ARPC1B: variants seen among roughly 807,000 people sequenced by gnomAD.
ARPC1B encodes actin-related protein 2/3 complex subunit 1B.
ARPC1B carries 29 observed loss-of-function variants against 46.0 expected under a neutral mutation model. That is an observed-to-expected ratio of 0.63 (90% CI 0.47 to 0.86). The LOEUF is 0.86. Among genes scored for constraint, ARPC1B ranks in the 40% least tolerant of loss-of-function variants. The pLI is 0.00. For synonymous variants in ARPC1B, 201 were observed against 213.9 expected, an observed-to-expected ratio of 0.94 and a Z score of 0.53; for missense variants, 469 against 529.4, an observed-to-expected ratio of 0.89 and a Z score of 1.12.
At position 99,378,343 on chromosome 7, in the gene ARPC1B, G is replaced by A. The variant is rs187709091; in HGVS notation, c.-14+3562G>A. ...CTGGCTTGGCCTCCCAAAATGGTGG[G>A]ATTACAGGCGTGAGCCATGGCACCC... On this transcript the variant is annotated intron_variant, in intron 1 of 9. Transcript: ENST00000646101. 3.2e-3 allele frequency among the ~76,000 whole-genome samples: 487 copies of A among 151,882 alleles called. 2 individuals are homozygous for A. The highest frequency in any genetic ancestry group is 0.011 in the African/African-American group (469 of 41,484).
chr7:99,387,808 G>A (rs1186325069), intron 3 of ARPC1B, among the ~76,000 whole-genome samples: 3 of 150,920 alleles, frequency 2.0e-5, no homozygotes, highest in Non-Finnish European at 4.4e-5. Flanking sequence ...GCTGAGGCAC[G>A]AGGATTGCTT....
At chr7:99,384,772 G>A (rs1320173588) in intron 1 of ARPC1B, among the ~76,000 whole-genome samples, 1 of 151,994 alleles carries the variant, frequency 6.6e-6, no homozygotes, top group Non-Finnish European at 1.5e-5. Context: ...TCTGAGCAGT[G>A]TGGGGGAAGA....
chr7:99,381,399 G>A (rs149868838), intron 1 of ARPC1B, among the ~76,000 whole-genome samples: 1 of 152,286 alleles, frequency 6.6e-6, no homozygotes, highest in East Asian at 1.9e-4. Flanking sequence ...TAAAGTGTGG[G>A]GAGGTGCAGT....
At chr7:99,387,031 C>A (rs1794411152) in intron 3 of ARPC1B, among the ~76,000 whole-genome samples, 1 of 152,242 alleles carries the variant, frequency 6.6e-6, no homozygotes, top group Non-Finnish European at 1.5e-5. Context: ...ATCTTTTCTG[C>A]CTCTTGGCTT....
intron 4 of ARPC1B, chr7:99,389,409 T>C (rs1348217143): frequency 6.4e-6 from 1 of 156,894 alleles, no homozygotes; most frequent in East Asian, 1.9e-4. Flanking sequence ...TTTGTAGAGA[T>C]AGGGTCTTGT....
rs1306120757 is a variant in ARPC1B, at chr7:99,390,999, G to A, written c.607G>A (p.Gly203Ser). 15 of 1,613,980 alleles carry A rather than the reference G, an allele frequency of 9.3e-6. No individual in the cohort carries two copies. Among genetic ancestry groups the A allele is most frequent in the East Asian group, 2.2e-5 (1 of 44,882 alleles). The part of the protein sequence containing the change: ...ELMFESSSSC[G>S]WVHGVCFSAS... ...GATGTTCGAATCCAGCAGTAGCTGC[G>A]GCTGGGTACATGGCGTCTGTTTCTC... The change falls in exon 6 of 10, where the codon GGC becomes AGC. Residue 203 changes from glycine to serine, a missense_variant. Gly to Ser is a moderately conservative substitution (Grantham distance 56). Coordinates refer to ENST00000646101, the MANE Select transcript of ARPC1B (RefSeq NM_005720.4).
At chr7:99,380,601 A>G (rs1794185091) in intron 1 of ARPC1B, among the ~76,000 whole-genome samples, 1 of 151,942 alleles carries the variant, frequency 6.6e-6, no homozygotes, top group African/African-American at 2.4e-5. Flanking sequence ...GGTCCTAGAA[A>G]CAGTGGTCAG....
At chr7:99,390,150 G>A (rs181977365) in intron 5 of ARPC1B, 138 bp downstream of exon 5, 71 of 719,672 alleles carry the variant, frequency 9.9e-5, no homozygotes, top group Admixed American at 1.3e-4. Context: ...TGACCTGGGC[G>A]TCGGTTGAAG....
At chr7:99,383,130 C>T (rs925263473) in intron 1 of ARPC1B, among the ~76,000 whole-genome samples, 8 of 152,192 alleles carry the variant, frequency 5.3e-5, no homozygotes, top group African/African-American at 9.7e-5. Flanking sequence ...CAGGCATGAG[C>T]CACCGTGCCT....
At chr7:99,386,604 G>T in intron 2 of ARPC1B, 81 bp from the exon 3 acceptor site, 2 of 1,087,412 alleles carry the variant, frequency 1.8e-6, no homozygotes, top group Non-Finnish European at 2.9e-6. Flanking sequence ...AGGTGTTGTT[G>T]CCTAGGTGCA....
chr7:99,390,001 C>T lies in ARPC1B; in HGVS notation c.489C>T (p.Asp163=), dbSNP rs1338518208. The change falls in exon 5 of 10, where the codon GAC becomes GAT. Residue 163 remains aspartate (D), a synonymous_variant. Coordinates refer to ENST00000646101, the MANE Select transcript of ARPC1B (RefSeq NM_005720.4). ...NNVLLAAGSC[D]FKCRIFSAYI... ...TGCTGCTGGCTGCCGGCTCCTGTGACTTCAAGTGTCGGTGAGACAGGGCGC... is the reference window on the plus strand; with the variant it reads ...TGCTGCTGGCTGCCGGCTCCTGTGATTTCAAGTGTCGGTGAGACAGGGCGC... 1.2e-6 allele frequency: 2 copies of T among 1,613,930 alleles called. No homozygotes were observed. Among genetic ancestry groups the T allele is most frequent in the Non-Finnish European group, 1.7e-6 (2 of 1,179,966 alleles).
intron 5 of ARPC1B, among the ~76,000 whole-genome samples, chr7:99,390,633 G>A (rs1185893447): frequency 2.0e-5 from 3 of 152,038 alleles, no homozygotes; most frequent in Non-Finnish European, 4.4e-5. Flanking sequence ...ATCTGCCTCA[G>A]CCTCCCAAAG....
intron 3 of ARPC1B, among the ~76,000 whole-genome samples, chr7:99,387,066 G>A (rs920747822): frequency 2.6e-5 from 4 of 152,220 alleles, no homozygotes; most frequent in African/African-American, 4.8e-5. Flanking sequence ...TTTGCTGATA[G>A]CATGGAGGGC....
chr7:99,391,222 C>T lies in ARPC1B; in HGVS notation c.752C>T (p.Thr251Ile), dbSNP rs750089172. 3 of 1,614,024 alleles carry T rather than the reference C, an allele frequency of 1.9e-6. No homozygotes were observed. The East Asian group carries it at 6.7e-5, about 36-fold the overall frequency. ...ASETLPLLAL[T>I]FITDNSLVAA... Reference sequence around the variant, plus strand: ...GAAACACTACCACTGCTGGCGCTGACCTTCATCACAGACAACAGCCTGGTG... The same window carrying T: ...GAAACACTACCACTGCTGGCGCTGATCTTCATCACAGACAACAGCCTGGTG... The change falls in exon 7 of 10, where the codon ACC (threonine) becomes ATC (isoleucine). Residue 251 changes from threonine (T) to isoleucine (I), a missense_variant. By Grantham distance (89) the Thr-to-Ile change is moderately conservative. Transcript: ENST00000646101.
At chr7:99,380,186 T>G (rs1794168328) in intron 1 of ARPC1B, among the ~76,000 whole-genome samples, 1 of 152,140 alleles carries the variant, frequency 6.6e-6, no homozygotes, top group Admixed American at 6.6e-5. Context: ...GGTGAGAGGT[T>G]TTCCTGAGGA....
At chr7:99,393,805 C>T (rs996609670) in intron 8 of ARPC1B, among the ~76,000 whole-genome samples, 1 of 152,216 alleles carries the variant, frequency 6.6e-6, no homozygotes, top group East Asian at 1.9e-4. Flanking sequence ...CGCAGACACA[C>T]GTGTCTTTCC....
intron 7 of ARPC1B, chr7:99,392,293 C>T (rs1794593421): frequency 1.9e-5 from 4 of 210,860 alleles, no homozygotes; most frequent in Non-Finnish European, 3.8e-5. Context: ...GCTCTCCCTC[C>T]CCTCCGCCCA....
At chr7:99,381,392 AGT>A (rs1794217291) in intron 1 of ARPC1B, among the ~76,000 whole-genome samples, 1 of 151,966 alleles carries the variant, frequency 6.6e-6, no homozygotes, top group Non-Finnish European at 1.5e-5. Context: ...ATGTGCTTAA[AGT>A]GTGGGGAGGT....
At chr7:99,386,429 G>T (rs911491165) in intron 2 of ARPC1B, 7 of 590,622 alleles carry the variant, frequency 1.2e-5, no homozygotes, top group Admixed American at 2.2e-5. Flanking sequence ...AGCAGCGAAG[G>T]GTTCCTGGTT....
Sources: gnomAD v4.1 joint callset for allele counts (sites outside exome capture counted in the v4.1 genomes callset) on GRCh38, gnomAD v4.1.1 for gene constraint, MANE v1.5 for transcripts, NCBI Gene and HGNC (gene_info 2026-07-23, HGNC 2026-07-21) for gene names.